The following NRXN3 variants were observed in gnomAD, a reference collection of about 807,000 sequenced individuals.
NRXN3 encodes neurexin III.
In NRXN3, 32 loss-of-function variants were observed where a neutral mutation model predicts 137.6. The observed-to-expected ratio is 0.23, with a 90% CI of 0.18 to 0.31. NRXN3 has a LOEUF of 0.31. Among genes scored for constraint, NRXN3 ranks in the 10% least tolerant of loss-of-function variants. The pLI, the probability that NRXN3 is intolerant of heterozygous loss-of-function variation, is 1.00. For missense variants in NRXN3, 1,574 were observed against 2,062.5 expected (o/e 0.76, Z 4.59); for synonymous variants, 798 against 784.5 (o/e 1.02, Z -0.29).
chr14:79,104,709 GT>G (rs2052044080), intron 15 of NRXN3, among the ~76,000 whole-genome samples: 1 of 152,090 alleles, frequency 6.6e-6, no homozygotes, highest in Non-Finnish European at 1.5e-5. Context: ...CTGGCAGGGA[GT>G]TTAGAGCATT....
At position 79,091,326 on chromosome 14, in the gene NRXN3, CA is replaced by C. The variant is rs538974835; in HGVS notation, c.3262+103186del. ...AGATAAGAAATTTGCATTGATCTAA[CA>C]GGTAATAAGAAGCTCCATACCATAT... On this transcript the variant is annotated intron_variant, in intron 15 of 20. Coordinates refer to ENST00000335750, the MANE Select transcript of NRXN3 (RefSeq NM_001330195.2). Among the ~76,000 whole-genome samples, 10 of 152,240 alleles carry C rather than the reference CA, an allele frequency of 6.6e-5. No homozygotes were observed. In the East Asian group the frequency reaches 1.4e-3, roughly 21 times the overall value.
rs554057763 is a variant in NRXN3 at position 79,770,938 on chromosome 14, A to G, written c.4015-34174A>G. 1.5e-3 allele frequency among the ~76,000 whole-genome samples: 231 copies of G among 152,196 alleles called. 10 individuals carry two copies. The South Asian group carries it at 0.042, about 28-fold the overall frequency. ...ATAGATGCAATAAAAAATGATAAAG[A>G]AGATATCACCACCGATCCCACAGAA... On this transcript the variant is annotated intron_variant, in intron 19 of 20. Coordinates refer to ENST00000335750, the MANE Select transcript of NRXN3 (RefSeq NM_001330195.2).
At position 78,529,811 on chromosome 14, in the gene NRXN3, C is replaced by T. The variant is rs760235018; in HGVS notation, c.758-115309C>T. On this transcript the variant is annotated intron_variant, in intron 4 of 20. Coordinates refer to ENST00000335750, the MANE Select transcript of NRXN3 (RefSeq NM_001330195.2). ...GCTGGGCCATCTCATCCCCCATCAA[C>T]AAATCACCTTGCTACCACATGGCCT... 4.7e-4 allele frequency among the ~76,000 whole-genome samples: 72 copies of T among 152,214 alleles called. 1 individual carries two copies. The highest frequency in any genetic ancestry group is 1.2e-4 in the Non-Finnish European group (8 of 68,036).
At chr14:79,699,851 T>C (rs1052525761) in intron 19 of NRXN3, among the ~76,000 whole-genome samples, 1 of 152,014 alleles carries the variant, frequency 6.6e-6, no homozygotes, top group Non-Finnish European at 1.5e-5. Context: ...AAATGAGTTA[T>C]AAACCTGTTG....
intron 16 of NRXN3, among the ~76,000 whole-genome samples, chr14:79,479,555 G>A (rs1323065130): frequency 1.3e-5 from 2 of 151,908 alleles, no homozygotes; most frequent in South Asian, 2.1e-4. Context: ...TGTTGGATGT[G>A]TTGAATTTAG....
At position 78,967,312 on chromosome 14, in the gene NRXN3, G is replaced by T; in HGVS notation, c.2882G>T (p.Arg961Leu). Residue 961 changes from arginine (R) to leucine (L), a missense_variant, in exon 13 of 21, where the codon CGG becomes CTG. Coordinates refer to ENST00000335750, the MANE Select transcript of NRXN3 (RefSeq NM_001330195.2). ...DNQWHNVVIT[R>L]DNSNTHSLKV... The stretch of plus-strand genomic sequence containing the variant: ...CAGTGGCACAATGTCGTCATCACTC[G>T]GGACAATAGTAACACTCATAGCCTG... The T allele has an allele frequency of 6.2e-7, 1 of 1,613,788 alleles. No individual in the cohort carries two copies. Among genetic ancestry groups the T allele is most frequent in the Non-Finnish European group, 8.5e-7 (1 of 1,179,968 alleles).
At chr14:79,859,102 T>C (rs10220538) in intron 20 of NRXN3, among the ~76,000 whole-genome samples, 138,352 of 152,154 alleles carry the variant, frequency 0.91, 62,957 homozygotes, top group East Asian at 1. Context: ...AATAGAGGCT[T>C]AGGTTTAGAG....
intron 16 of NRXN3, among the ~76,000 whole-genome samples, chr14:79,563,228 C>T (rs1567513506): frequency 1.3e-5 from 2 of 152,108 alleles, no homozygotes; most frequent in Admixed American, 1.3e-4. Context: ...GTATTATTCC[C>T]ATTTCATGAA....
intron 16 of NRXN3, among the ~76,000 whole-genome samples, chr14:79,582,191 T>C (rs1287935723): frequency 6.6e-6 from 1 of 152,140 alleles, no homozygotes; most frequent in East Asian, 1.9e-4. Context: ...AGTCCTCCCT[T>C]GTCTTGGCCT....
intron 4 of NRXN3, among the ~76,000 whole-genome samples, chr14:78,581,560 T>A (rs991077870): frequency 2.6e-5 from 4 of 152,232 alleles, no homozygotes; most frequent in African/African-American, 4.8e-5. Context: ...ACACATGGAT[T>A]TTAGGCGACA....
Position 79,180,513 on chromosome 14 carries a change from C to T in NRXN3, c.3262+192372C>T, listed in dbSNP as rs182592951. Reference sequence around the variant, plus strand: ...GAAACAGATGAAGAGTGATACTTTGCTGAATAAAAATTGAATTAGCTCTCA... The same window carrying T: ...GAAACAGATGAAGAGTGATACTTTGTTGAATAAAAATTGAATTAGCTCTCA... On this transcript the variant is annotated intron_variant, in intron 15 of 20. Coordinates refer to ENST00000335750, the MANE Select transcript of NRXN3 (RefSeq NM_001330195.2). Among the ~76,000 whole-genome samples the T allele has an allele frequency of 3.9e-5, 6 of 152,250 alleles. No homozygotes were observed. The East Asian group carries it at 1.2e-3, about 29-fold the overall frequency.
intron 15 of NRXN3, among the ~76,000 whole-genome samples, chr14:79,003,133 A>T (rs2099545156): frequency 6.6e-6 from 1 of 152,102 alleles, no homozygotes; most frequent in Non-Finnish European, 1.5e-5. Flanking sequence ...AACCCATCAC[A>T]GTACCCAGTA....
At chr14:79,807,807 G>A (rs1162331957) in intron 20 of NRXN3, among the ~76,000 whole-genome samples, 1 of 152,106 alleles carries the variant, frequency 6.6e-6, no homozygotes, top group Non-Finnish European at 1.5e-5. Context: ...AATGAGCATT[G>A]CATTTTTCTA....
chr14:78,596,555 A>G (rs1234101071), intron 4 of NRXN3, among the ~76,000 whole-genome samples: 1 of 151,958 alleles, frequency 6.6e-6, no homozygotes, highest in Non-Finnish European at 1.5e-5. Flanking sequence ...TTCTTATATC[A>G]TGAATAAAAT....
chr14:79,185,692 C>T (rs8009200), intron 15 of NRXN3, among the ~76,000 whole-genome samples: 40,358 of 151,870 alleles, frequency 0.27, 6,096 homozygotes, highest in Non-Finnish European at 0.35. Context: ...GTCTCGATCT[C>T]CTGACCTCGT....
intron 10 of NRXN3, among the ~76,000 whole-genome samples, chr14:78,900,787 T>C (rs2099193453): frequency 6.6e-6 from 1 of 152,040 alleles, no homozygotes; most frequent in Admixed American, 6.6e-5. Context: ...TTATCTATTC[T>C]TGACATCACT....
intron 16 of NRXN3, among the ~76,000 whole-genome samples, chr14:79,481,389 T>C (rs1378803786): frequency 2.0e-5 from 3 of 152,196 alleles, no homozygotes; most frequent in African/African-American, 7.2e-5. Flanking sequence ...CCAGGCAATC[T>C]TATTGTTGTG....
At chr14:78,569,708 C>T (rs1351366072) in intron 4 of NRXN3, among the ~76,000 whole-genome samples, 4 of 151,982 alleles carry the variant, frequency 2.6e-5, no homozygotes, top group East Asian at 1.9e-4. Context: ...TACAGGCACC[C>T]GCCCCCACAC....
chr14:78,277,263 T>C (rs2073739149), intron 2 of NRXN3, among the ~76,000 whole-genome samples: 1 of 152,162 alleles, frequency 6.6e-6, no homozygotes, highest in African/African-American at 2.4e-5. Flanking sequence ...ACATTACCCA[T>C]CCTGTTCAGG....
Sources: gnomAD v4.1 joint callset for allele counts (sites outside exome capture counted in the v4.1 genomes callset) on GRCh38, gnomAD v4.1.1 for gene constraint, MANE v1.5 for transcripts, NCBI Gene and HGNC (gene_info 2026-07-23, HGNC 2026-07-21) for gene names.